Variants in CCDC144A observed in about 807,000 individuals in gnomAD.
CCDC144A encodes the protein coiled-coil domain-containing protein 144A.
CCDC144A carries 41 observed loss-of-function variants against 143.8 expected under a neutral mutation model. The observed-to-expected ratio is 0.29, with a 90% CI of 0.22 to 0.37. CCDC144A has a LOEUF of 0.37. Ranked by LOEUF, CCDC144A falls within the 10% of genes least tolerant of loss-of-function variation. The probability of loss-of-function intolerance (pLI) is 1.00; values close to 1 mark genes in which losing one functional copy is unlikely to be tolerated. For missense variants in CCDC144A, 637 were observed against 1,488.8 expected (o/e 0.43, Z 9.41); for synonymous variants, 242 against 517.9 (o/e 0.47, Z 7.23).
rs547050868 is a variant in CCDC144A at position 16,715,917 on chromosome 17, C to T, written c.1715+4102C>T. Among the ~76,000 whole-genome samples the T allele has an allele frequency of 5.9e-5, 9 of 152,298 alleles. No homozygotes were observed. In the South Asian group the frequency reaches 1.5e-3, roughly 25 times the overall value. The stretch of plus-strand genomic sequence containing the variant: ...TTGGCTGTCTTTCCAAAGCAAGTGG[C>T]GCACGTTGATATTGGTTGGTGAGAG... On this transcript the variant is annotated intron_variant, in intron 6 of 16. Coordinates refer to ENST00000399273, the MANE Select transcript of CCDC144A (RefSeq NM_001382000.1).
At chr17:16,699,496 C>T (rs1911604541) in intron 2 of CCDC144A, among the ~76,000 whole-genome samples, 1 of 56,192 alleles carries the variant, frequency 1.8e-5, no homozygotes, top group Non-Finnish European at 3.3e-5. Context: ...CTGCCTCAGC[C>T]TCCTGAGTAG....
At chr17:16,684,019 T>C in the CCDC144A span, 1 of 933,704 alleles carries the variant, frequency 1.1e-6, no homozygotes, top group Non-Finnish European at 1.8e-6. Flanking sequence ...CGGAAATTCA[T>C]GCAGCCTGCA....
At chr17:16,724,206 T>C (rs1348407328) in intron 8 of CCDC144A, among the ~76,000 whole-genome samples, 15 of 152,180 alleles carry the variant, frequency 9.9e-5, no homozygotes, top group South Asian at 4.1e-4. Flanking sequence ...GAACATACTT[T>C]GTATGACTTA....
chr17:16,678,751 G>GTTTTTT, the CCDC144A span, among the ~76,000 whole-genome samples: 15 of 78,034 alleles, frequency 1.9e-4, no homozygotes, highest in Non-Finnish European at 2.6e-4. Flanking sequence ...TGGCTAATTT[G>GTTTTTT]TTTTTTTTTT....
the CCDC144A span, among the ~76,000 whole-genome samples, chr17:16,682,352 CAGAT>C: frequency 6.6e-6 from 1 of 151,830 alleles, no homozygotes; most frequent in Non-Finnish European, 1.5e-5. Flanking sequence ...TGCCATTAAA[CAGAT>C]AGGGGAAGAG....
chr17:16,694,323 G>C (rs1911274280), intron 2 of CCDC144A, among the ~76,000 whole-genome samples: 1 of 152,256 alleles, frequency 6.6e-6, no homozygotes, highest in African/African-American at 2.4e-5. Flanking sequence ...GCCCACACCT[G>C]TAGTCCCAGC....
At chr17:16,673,377 A>T in the CCDC144A span, among the ~76,000 whole-genome samples, 1 of 151,436 alleles carries the variant, frequency 6.6e-6, no homozygotes, top group Non-Finnish European at 1.5e-5. Flanking sequence ...TGTATCAAAA[A>T]GTTATCTTCA....
At chr17:16,740,317 G>C (rs1013484529) in intron 12 of CCDC144A, among the ~76,000 whole-genome samples, 8 of 152,112 alleles carry the variant, frequency 5.3e-5, no homozygotes, top group East Asian at 1.9e-4. Context: ...TCAGAAACCA[G>C]AGTTCCCTGC....
intron 12 of CCDC144A, among the ~76,000 whole-genome samples, chr17:16,753,428 G>GTTTTTTGTTGTTGTTGTTGT (rs1914895477): frequency 8.7e-5 from 5 of 57,366 alleles, no homozygotes; most frequent in East Asian, 8.3e-4. Flanking sequence ...GTGTTTTGTA[G>GTTTTTTGTTGTTGTTGTTGT]TTTTTTTTTT....
chr17:16,692,142 G>A (rs947111428), intron 1 of CCDC144A, among the ~76,000 whole-genome samples: 5 of 152,228 alleles, frequency 3.3e-5, no homozygotes, highest in Non-Finnish European at 5.9e-5. Context: ...AACTGAAAAA[G>A]AAAAGTAGCA....
chr17:16,724,993 T>TA (rs1213572946), intron 8 of CCDC144A, among the ~76,000 whole-genome samples: 1 of 133,974 alleles, frequency 7.5e-6, no homozygotes, highest in Non-Finnish European at 1.6e-5. Flanking sequence ...TGACTGTTTA[T>TA]AGCTGGTAAT....
At chr17:16,764,690 T>G (rs1399932298) in intron 15 of CCDC144A, 1 of 168,668 alleles carries the variant, frequency 5.9e-6, no homozygotes, top group South Asian at 1.5e-4. Flanking sequence ...CAACACTTGA[T>G]TAATCTGTTC....
chr17:16,728,007 A>T (rs1472678596), intron 9 of CCDC144A: 3 of 293,708 alleles, frequency 1.0e-5, no homozygotes, highest in Non-Finnish European at 2.0e-5. Flanking sequence ...TTGGGTTTTA[A>T]AATTATCTTG....
chr17:16,760,323 AC>A (rs1205964823), intron 12 of CCDC144A, among the ~76,000 whole-genome samples: 1 of 149,568 alleles, frequency 6.7e-6, no homozygotes, highest in East Asian at 2.0e-4. Context: ...AAAATAAAAA[AC>A]AATCATAATT....
At chr17:16,773,424 G>C (rs1298527332) in intron 16 of CCDC144A, 73 bp from the exon 17 acceptor site, 1 of 1,499,148 alleles carries the variant, frequency 6.7e-7, no homozygotes, top group African/African-American at 1.4e-5. Context: ...CTCCAGCATA[G>C]GTGAAAGAGT....
At chr17:16,746,271 C>A in intron 12 of CCDC144A, 2 of 778,986 alleles carry the variant, frequency 2.6e-6, no homozygotes, top group Non-Finnish European at 3.7e-6. Flanking sequence ...CTCTCTCTCT[C>A]TTTTTTTTTT....
At chr17:16,677,962 C>T in the CCDC144A span, among the ~76,000 whole-genome samples, 24 of 151,922 alleles carry the variant, frequency 1.6e-4, no homozygotes, top group Non-Finnish European at 1.8e-4. Context: ...CCACTTAAAA[C>T]AAGGGATGAT....
chr17:16,770,395 C>T (rs1172049817), intron 15 of CCDC144A, among the ~76,000 whole-genome samples: 14 of 152,172 alleles, frequency 9.2e-5, no homozygotes, highest in Non-Finnish European at 1.5e-4. Context: ...GTGATCCTCC[C>T]GCCTCGGCCT....
intron 6 of CCDC144A, among the ~76,000 whole-genome samples, chr17:16,717,593 C>T (rs1487356997): frequency 6.6e-6 from 1 of 152,112 alleles, no homozygotes; most frequent in African/African-American, 2.4e-5. Flanking sequence ...TATATTTTGC[C>T]TCTTCTGTAA....
Sources: allele counts gnomAD v4.1 joint callset (sites outside exome capture counted in the v4.1 genomes callset), GRCh38; gene constraint gnomAD v4.1.1; transcripts MANE v1.5; gene names NCBI Gene and HGNC (gene_info 2026-07-23, HGNC 2026-07-21).